The following EPHA6 variants were observed in gnomAD, a reference collection of about 807,000 sequenced individuals.
EPHA6 encodes EPH receptor A6, also known as ephrin type-A receptor 6.
A neutral mutation model predicts 112.0 loss-of-function variants in EPHA6; 50 were observed. That is an observed-to-expected ratio of 0.45 (90% confidence interval 0.36 to 0.56). The LOEUF (loss-of-function observed/expected upper bound fraction) is 0.56. Among genes scored for constraint, EPHA6 ranks in the 20% least tolerant of loss-of-function variants. The pLI is 0.00. For missense variants in EPHA6, 1,280 were observed against 1,417.4 expected, an observed-to-expected ratio of 0.90 and a Z score of 1.56; for synonymous variants, 529 against 490.7, an observed-to-expected ratio of 1.08 and a Z score of -1.03.
At chr3:97,505,164 T>C (rs1422994258) in intron 10 of EPHA6, among the ~76,000 whole-genome samples, 1 of 152,156 alleles carries the variant, frequency 6.6e-6, no homozygotes, top group Non-Finnish European at 1.5e-5. Flanking sequence ...GTATAATCTC[T>C]TTGAAATTCA....
At chr3:96,825,515 T>G (rs1304265783) in intron 1 of EPHA6, among the ~76,000 whole-genome samples, 1 of 151,950 alleles carries the variant, frequency 6.6e-6, no homozygotes, top group Non-Finnish European at 1.5e-5. Flanking sequence ...ATTTTTATTG[T>G]TATTTTCTCT....
Position 97,642,099 on chromosome 3 carries a change from G to A in EPHA6, c.2784+4017G>A, listed in dbSNP as rs1040969744. ...AGCACGCAGCTGGAGATCTGAGAAC[G>A]GGCAGACTGCCTCCACAAGTGGGTA... is the stretch of plus-strand genomic sequence containing the variant. On this transcript the variant is annotated intron_variant, in intron 14 of 17. Coordinates refer to ENST00000389672, the MANE Select transcript of EPHA6 (RefSeq NM_001080448.3). Among the ~76,000 whole-genome samples the A allele has an allele frequency of 7.1e-5, 10 of 141,296 alleles. 1 individual carries two copies. The highest frequency in any genetic ancestry group is 1.4e-4 in the Admixed American group (2 of 13,974). 92.7% of individuals were successfully genotyped at this position (141,296 alleles called of 152,430 possible).
intron 3 of EPHA6, among the ~76,000 whole-genome samples, chr3:96,989,234 T>C (rs191327609): frequency 2.9e-3 from 444 of 152,302 alleles, no homozygotes; most frequent in Non-Finnish European, 4.7e-3. Context: ...TTTTTCTGTT[T>C]ATAAAACACT....
chr3:97,000,780 G>A (rs1307191566), intron 3 of EPHA6, among the ~76,000 whole-genome samples: 2 of 150,992 alleles, frequency 1.3e-5, no homozygotes, highest in African/African-American at 4.9e-5. Context: ...TGAACAGTAG[G>A]CAGGTAGTAA....
At chr3:97,439,817 G>A (rs1387382769) in intron 6 of EPHA6, among the ~76,000 whole-genome samples, 1 of 152,162 alleles carries the variant, frequency 6.6e-6, no homozygotes, top group African/African-American at 2.4e-5. Flanking sequence ...ATTATAGTTA[G>A]ATCTGGTTAT....
chr3:97,079,698 C>T (rs2108193494), intron 3 of EPHA6, among the ~76,000 whole-genome samples: 1 of 149,846 alleles, frequency 6.7e-6, no homozygotes, highest in East Asian at 2.0e-4. Context: ...TGTCAAATAA[C>T]ATTGAATACT....
chr3:97,013,167 T>A (rs756734599), intron 3 of EPHA6, among the ~76,000 whole-genome samples: 22 of 152,164 alleles, frequency 1.4e-4, no homozygotes, highest in African/African-American at 4.8e-4. Context: ...ATAAATTCTT[T>A]CTCAAGTCCA....
At chr3:97,178,957 C>T (rs2076910485) in intron 3 of EPHA6, among the ~76,000 whole-genome samples, 1 of 152,038 alleles carries the variant, frequency 6.6e-6, no homozygotes. Flanking sequence ...TTTTTACCTT[C>T]TCTTTAAGGC....
At chr3:97,237,735 G>T (rs1211636170) in intron 4 of EPHA6, among the ~76,000 whole-genome samples, 1 of 152,032 alleles carries the variant, frequency 6.6e-6, no homozygotes, top group African/African-American at 2.4e-5. Flanking sequence ...TTATGACAGT[G>T]CTCGGATTTT....
At chr3:97,546,380 T>G (rs1174732865) in intron 11 of EPHA6, among the ~76,000 whole-genome samples, 2 of 152,230 alleles carry the variant, frequency 1.3e-5, no homozygotes, top group Non-Finnish European at 2.9e-5. Flanking sequence ...TTTAAGAATG[T>G]TGAATATTGG....
chr3:96,939,248 C>T (rs141239291), intron 2 of EPHA6, among the ~76,000 whole-genome samples: 8 of 151,816 alleles, frequency 5.3e-5, no homozygotes, highest in Non-Finnish European at 1.2e-4. Context: ...GAATCTTTTT[C>T]GTTGGTAAGC....
At chr3:97,118,168 A>T (rs550738308) in intron 3 of EPHA6, among the ~76,000 whole-genome samples, 2 of 151,956 alleles carry the variant, frequency 1.3e-5, no homozygotes, top group East Asian at 3.9e-4. Context: ...TATACAAAAG[A>T]TTATTTCAAA....
chr3:97,718,253 T>C (rs2034341199), intron 14 of EPHA6, among the ~76,000 whole-genome samples: 1 of 152,218 alleles, frequency 6.6e-6, no homozygotes, highest in Admixed American at 6.5e-5. Context: ...ACTCTAGTAT[T>C]GGTGCACAAA....
At chr3:97,490,526 A>C (rs1269963447) in intron 10 of EPHA6, among the ~76,000 whole-genome samples, 1 of 152,124 alleles carries the variant, frequency 6.6e-6, no homozygotes, top group Non-Finnish European at 1.5e-5. Context: ...TAGTTTGTGT[A>C]TTGCTAAAAT....
intron 3 of EPHA6, among the ~76,000 whole-genome samples, chr3:97,046,053 T>C (rs2045495461): frequency 6.6e-6 from 1 of 152,090 alleles, no homozygotes; most frequent in Non-Finnish European, 1.5e-5. Flanking sequence ...AATTCCTCTA[T>C]TGATTAGAAA....
intron 7 of EPHA6, among the ~76,000 whole-genome samples, chr3:97,459,044 C>A (rs1017807368): frequency 1.1e-4 from 16 of 152,214 alleles, no homozygotes; most frequent in African/African-American, 3.9e-4. Context: ...CAAAAGGTAA[C>A]GTCTTAAAGG....
In EPHA6 at chr3:97,244,074, A is replaced by C. The variant is rs775773153; in HGVS notation, c.1393A>C (p.Lys465Gln). The change falls in exon 5 of 18, where the codon AAA (lysine) becomes CAA (glutamine). Residue 465 changes from lysine to glutamine, a missense_variant. By Grantham distance (53) the Lys-to-Gln change is moderately conservative. Coordinates refer to ENST00000389672, the MANE Select transcript of EPHA6 (RefSeq NM_001080448.3). Reference protein sequence around the residue: ...KDLTYSVICKKCGLDTSQCED... With the variant: ...KDLTYSVICKQCGLDTSQCED... ...TCTCACATACAGTGTAATCTGTAAG[A>C]AATGTGGCTTAGACACCAGCCAGTG... 2 of 1,612,810 alleles carry C rather than the reference A, an allele frequency of 1.2e-6. No homozygotes were observed. Among genetic ancestry groups the C allele is most frequent in the Non-Finnish European group, 1.7e-6 (2 of 1,179,306 alleles).
intron 11 of EPHA6, among the ~76,000 whole-genome samples, chr3:97,534,804 C>T (rs1173249402): frequency 1.3e-5 from 2 of 151,902 alleles, no homozygotes; most frequent in Admixed American, 1.3e-4. Context: ...TATTATATAT[C>T]TCTGGCAGGC....
intron 1 of EPHA6, among the ~76,000 whole-genome samples, chr3:96,845,053 C>T (rs775109331): frequency 6.6e-6 from 1 of 151,850 alleles, no homozygotes; most frequent in Non-Finnish European, 1.5e-5. Flanking sequence ...CTACTATTTT[C>T]CAAGTACATA....
Sources: allele counts gnomAD v4.1 joint callset (sites outside exome capture counted in the v4.1 genomes callset), GRCh38; gene constraint gnomAD v4.1.1; transcripts MANE v1.5; gene names NCBI Gene and HGNC (gene_info 2026-07-23, HGNC 2026-07-21).